Variants in KLHL33 observed in about 807,000 individuals in gnomAD.
KLHL33 encodes the protein kelch like family member 33, also known as kelch-like protein 33.
A neutral mutation model predicts 60.8 loss-of-function variants in KLHL33; 46 were observed. That is an observed-to-expected ratio of 0.76 (90% CI 0.60 to 0.97). The LOEUF (loss-of-function observed/expected upper bound fraction) is 0.97, where lower values mean the gene tolerates loss of function less well. KLHL33 is among the 50% of genes least tolerant of loss of function. KLHL33 has a pLI of 0.00. For synonymous variants in KLHL33, 434 were observed against 432.2 expected (o/e 1.00, Z -0.05); for missense variants, 1,055 against 1,000.0 (o/e 1.05, Z -0.74).
Position 20,429,542 on chromosome 14 carries a change from C to CCA in KLHL33, c.1799_1800dup (p.Asp601TrpfsTer38). 6.4e-7 allele frequency: 1 copy of CCA among 1,552,268 alleles called. No homozygotes were observed. Among genetic ancestry groups the CCA allele is most frequent in the Non-Finnish European group, 8.7e-7 (1 of 1,147,118 alleles). ...TCAGGGTTGTAGGTCTCCACAGAGTCCAGGGCAACATCATTGTGTCTTCCA... is the reference window on the plus strand; with the variant it reads ...TCAGGGTTGTAGGTCTCCACAGAGTCCACAGGGCAACATCATTGTGTCTTCCA... On this transcript the variant is annotated frameshift_variant, in exon 4 of 5. Transcript: ENST00000636854. LOFTEE classifies it high-confidence loss of function.
intron 2 of KLHL33, among the ~76,000 whole-genome samples, chr14:20,430,968 A>G (rs1158462648): frequency 1.3e-5 from 2 of 152,198 alleles, no homozygotes. Flanking sequence ...TTTGTATTGT[A>G]ACACTTCAAG....
intron 2 of KLHL33, among the ~76,000 whole-genome samples, chr14:20,432,664 G>C (rs1447583885): frequency 6.6e-6 from 1 of 151,970 alleles, no homozygotes; most frequent in Non-Finnish European, 1.5e-5. Flanking sequence ...GCTCATGCCT[G>C]TAAACCCAGC....
chr14:20,432,988 G>GAA lies in KLHL33; in HGVS notation c.748+2075_748+2076insTT, dbSNP rs1566501950. ...AAAGAAAGAAAGAAAGAAAGAAAGA[G>GAA]AGAAATTACTATTAATTTTGTCGTG... is the stretch of plus-strand genomic sequence containing the variant. On this transcript the variant is annotated intron_variant, in intron 2 of 4. Coordinates refer to ENST00000636854, the MANE Select transcript of KLHL33 (RefSeq NM_001365790.2). Among the ~76,000 whole-genome samples, 8 of 60,214 alleles carry GAA rather than the reference G, an allele frequency of 1.3e-4. No individual in the cohort carries two copies. The South Asian group carries it at 3.6e-3, about 27-fold the overall frequency. 39.5% of individuals were successfully genotyped at this position (60,214 alleles called of 152,430 possible).
Position 20,429,310 on chromosome 14 carries a change from C to T in KLHL33, c.1933G>A (p.Gly645Ser). 1 of 1,551,690 alleles carries T rather than the reference C, an allele frequency of 6.4e-7. No homozygotes were observed. The highest frequency in any genetic ancestry group is 8.7e-7 in the Non-Finnish European group (1 of 1,146,992). Residue 645 changes from glycine to serine, a missense_variant, in exon 5 of 5, where the codon GGC (glycine) becomes AGC (serine). Coordinates refer to ENST00000636854, the MANE Select transcript of KLHL33 (RefSeq NM_001365790.2). ...LYVSGGCGGT[G>S]QYLASLMHYD... is the part of the protein sequence containing the mutation. Reference sequence around the variant, plus strand: ...TGCATCAGTGAGGCCAGGTATTGGCCAGTCCCACCACAGCCACCGCTCACG... The same window carrying T: ...TGCATCAGTGAGGCCAGGTATTGGCTAGTCCCACCACAGCCACCGCTCACG...
In KLHL33 at chr14:20,430,604, C is replaced by A. The variant is rs773429110; in HGVS notation, c.864G>T (p.Leu288=). The A allele has an allele frequency of 6.5e-7, 1 of 1,536,978 alleles. No individual in the cohort carries two copies. Among genetic ancestry groups the A allele is most frequent in the Middle Eastern group, 1.8e-4 (1 of 5,448 alleles). ...AGTAAGCAAAAGAGACGAGGAGTCG[C>A]AGGTCCTGGGTGGAGATCGTCCGCA... ...VSLRTISTQD[L]RLLVSFAYSG... The change falls in exon 3 of 5, where the codon CTG becomes CTT. Residue 288 remains leucine (L), a synonymous_variant. Transcript: ENST00000636854.
intron 2 of KLHL33, among the ~76,000 whole-genome samples, chr14:20,431,864 T>A (rs1314322415): frequency 6.6e-6 from 1 of 152,244 alleles, no homozygotes; most frequent in Non-Finnish European, 1.5e-5. Flanking sequence ...GCAATAAGCA[T>A]GCTTGTGTAC....
Position 20,430,276 on chromosome 14 carries a change from A to G in KLHL33, c.1192T>C (p.Phe398Leu), listed in dbSNP as rs550721927. The change falls in exon 3 of 5, where the codon TTT (phenylalanine) becomes CTT (leucine). Residue 398 changes from phenylalanine to leucine, a missense_variant. Phe to Leu is a conservative substitution (Grantham distance 22, BLOSUM62 0). Transcript: ENST00000636854. ...DSDELHVQEE[F>L]EAFVAARCWL... Reference sequence around the variant, plus strand: ...CACCGTGCAGCCACAAAGGCCTCAAACTCCTCCTGCACATGGAGCTCATCA... The same window carrying G: ...CACCGTGCAGCCACAAAGGCCTCAAGCTCCTCCTGCACATGGAGCTCATCA... 1.9e-6 allele frequency: 3 copies of G among 1,551,508 alleles called. No individual in the cohort carries two copies. In the South Asian group the frequency reaches 3.6e-5, roughly 18 times the overall value.
In KLHL33 at chr14:20,435,690, G is replaced by C. The variant is rs1377078706; in HGVS notation, c.122C>G (p.Pro41Arg). Residue 41 changes from proline (P) to arginine (R), a missense_variant, in exon 2 of 5, where the codon CCC (proline) becomes CGC (arginine). Pro to Arg is a moderately radical substitution (Grantham distance 103, BLOSUM62 -2). Coordinates refer to ENST00000636854, the MANE Select transcript of KLHL33 (RefSeq NM_001365790.2). ...GGAAGGCAATCTGGGATCCTCGTCG[G>C]GGGAGGGAGGCCAGGAAGGGGTTCT... is the stretch of plus-strand genomic sequence containing the variant. ...AQRTPSWPPS[P>R]DEDPRLPSFP... The C allele has an allele frequency of 3.2e-6, 4 of 1,234,800 alleles. No individual in the cohort carries two copies. The highest frequency in any genetic ancestry group is 4.2e-5 in the Admixed American group (1 of 23,714). 76.5% of individuals were successfully genotyped at this position (1,234,800 alleles called of 1,614,324 possible).
chr14:20,428,836 T>G lies in KLHL33; in HGVS notation c.*13A>C, dbSNP rs769974225. 1 of 1,545,290 alleles carries G rather than the reference T, an allele frequency of 6.5e-7. No homozygotes were observed. Reference sequence around the variant, plus strand: ...CTTATGCCCTCCTCTCCCCATACACTGTTGCTCCCTCTTCACCCAGCAGGT... The same window carrying G: ...CTTATGCCCTCCTCTCCCCATACACGGTTGCTCCCTCTTCACCCAGCAGGT... On this transcript the variant is annotated 3_prime_UTR_variant, in exon 5 of 5. Transcript: ENST00000636854.
In KLHL33 at chr14:20,435,139, G is replaced by A; in HGVS notation, c.673C>T (p.Arg225Cys). Residue 225 changes from arginine (R) to cysteine (C), a missense_variant, in exon 2 of 5, where the codon CGC becomes TGC. Transcript: ENST00000636854. ...TCTCGGTAGAGGAGCTCGATTCCGC[G>A]CAGGTTCTCCCTCAGCTCCTCTGCC... ...SQAEELRENL[R>C]GIELLYREGV... 1 of 1,234,398 alleles carries A rather than the reference G, an allele frequency of 8.1e-7. No homozygotes were observed. 76.5% of individuals were successfully genotyped at this position (1,234,398 alleles called of 1,614,324 possible).
chr14:20,432,926 A>AAAAGAAATAAAGAAAGAAAGAAAG (rs1880555565), intron 2 of KLHL33, among the ~76,000 whole-genome samples: 2 of 104,672 alleles, frequency 1.9e-5, no homozygotes, highest in African/African-American at 7.6e-5. Flanking sequence ...CATCTCAAAA[A>AAAAGAAATAAAGAAAGAAAGAAAG]AAAGAAAGAA....
rs1326723295 is a variant in KLHL33, at chr14:20,430,670, G to A, written c.798C>T (p.Leu266=). The change falls in exon 3 of 5, where the codon CTC becomes CTT. Residue 266 remains leucine (L), a synonymous_variant. Coordinates refer to ENST00000636854, the MANE Select transcript of KLHL33 (RefSeq NM_001365790.2). ...CCTGGGATTCCCTCATCCCGCTCAG[G>A]AGCATGGCCCCAAAGAACTCACTGC... The part of the protein sequence containing the change: ...ACGSEFFGAM[L]LSGMRESQGT... The A allele has an allele frequency of 1.4e-5, 21 of 1,534,172 alleles. No individual in the cohort carries two copies. The highest frequency in any genetic ancestry group is 1.8e-5 in the Non-Finnish European group (21 of 1,146,174).
chr14:20,430,056 G>A lies in KLHL33; in HGVS notation c.1412C>T (p.Pro471Leu), dbSNP rs1880446899. The part of the protein sequence containing the change: ...DVPGQERRRE[P>L]DRALVVIGGD... ...GCCAATCACTACCAGTGCCCGGTCA[G>A]GCTCCCTCCGTCTCTCTTGGCCTGG... The change falls in exon 3 of 5, where the codon CCT becomes CTT. Residue 471 changes from proline to leucine, a missense_variant. Pro to Leu is a moderately conservative substitution (Grantham distance 98, BLOSUM62 -3). Transcript: ENST00000636854. 6.4e-7 allele frequency: 1 copy of A among 1,551,776 alleles called. No individual in the cohort carries two copies. Among genetic ancestry groups the A allele is most frequent in the South Asian group, 1.2e-5 (1 of 84,068 alleles).
In KLHL33 at chr14:20,426,378, C is replaced by T. The variant is rs985276611; in HGVS notation, c.*2471G>A. The T allele has an allele frequency of 2.0e-5, 3 of 151,718 alleles. No homozygotes were observed. The highest frequency in any genetic ancestry group is 7.3e-5 in the African/African-American group (3 of 41,254). The allele number at this position is 151,718 out of a possible 1,614,324, so 9.4% of individuals were successfully genotyped here. A position where few individuals can be genotyped will look rare whatever the true frequency, so the allele number is the denominator to read the frequency against. ...TAGCCAGATGTAATAGCTGTAATCC[C>T]AGCAACTCAGGGAGGCTGAGGCAGG... On this transcript the variant is annotated 3_prime_UTR_variant, in exon 5 of 5. Transcript: ENST00000636854.
rs752152668 is a variant in KLHL33, at chr14:20,430,460, AG to A, written c.1007del (p.Pro336LeufsTer34). The A allele has an allele frequency of 1.9e-6, 3 of 1,551,394 alleles. No homozygotes were observed. Among genetic ancestry groups the A allele is most frequent in the Admixed American group, 3.9e-5 (2 of 50,996 alleles). ...TGGGGAACAGGGCCAGGCAACGGGC[AG>A]GGCTGAGGCCCCGTGCCAAGCCTTT... ...CQKGLARGLS[P>X]ARCLALFPMA... On this transcript the variant is annotated frameshift_variant, in exon 3 of 5. Transcript: ENST00000636854. LOFTEE classifies it high-confidence loss of function.
chr14:20,428,837 G>GT lies in KLHL33; in HGVS notation c.*11dup. On this transcript the variant is annotated 3_prime_UTR_variant, in exon 5 of 5. Coordinates refer to ENST00000636854, the MANE Select transcript of KLHL33 (RefSeq NM_001365790.2). ...TTATGCCCTCCTCTCCCCATACACT[G>GT]TTGCTCCCTCTTCACCCAGCAGGTT... is the stretch of plus-strand genomic sequence containing the variant. 6.5e-7 allele frequency: 1 copy of GT among 1,545,938 alleles called. No homozygotes were observed. The highest frequency in any genetic ancestry group is 8.8e-7 in the Non-Finnish European group (1 of 1,142,782).
At chr14:20,434,542 GAAA>G (rs5807035) in intron 2 of KLHL33, among the ~76,000 whole-genome samples, 17,965 of 141,916 alleles carry the variant, frequency 0.13, 1,237 homozygotes, top group Middle Eastern at 0.18. Flanking sequence ...TGCTGTCTCA[GAAA>G]AAAAAAAAAA....
chr14:20,433,312 C>T (rs1183185714), intron 2 of KLHL33, among the ~76,000 whole-genome samples: 2 of 152,072 alleles, frequency 1.3e-5, no homozygotes, highest in Non-Finnish European at 2.9e-5. Context: ...CCTAGAAGTC[C>T]TTTTAGGCAG....
In KLHL33 at chr14:20,430,664, G is replaced by A. The variant is rs45573141; in HGVS notation, c.804C>T (p.Ser268=). The change falls in exon 3 of 5, where the codon AGC becomes AGT. Residue 268 remains serine, a synonymous_variant. Transcript: ENST00000636854. ...GSEFFGAMLL[S]GMRESQGTEV... ...CTGTGCCCTGGGATTCCCTCATCCC[G>A]CTCAGGAGCATGGCCCCAAAGAACT... 9,650 of 1,534,342 alleles carry A rather than the reference G, an allele frequency of 6.3e-3. 41 individuals carry two copies. Among genetic ancestry groups the A allele is most frequent in the Middle Eastern group, 8.8e-3 (39 of 4,438 alleles).
Sources: gnomAD v4.1 joint callset for allele counts (sites outside exome capture counted in the v4.1 genomes callset) on GRCh38, gnomAD v4.1.1 for gene constraint, MANE v1.5 for transcripts, NCBI Gene and HGNC (gene_info 2026-07-23, HGNC 2026-07-21) for gene names.